Variants in IL34 observed in about 807,000 individuals in gnomAD.
The protein encoded by IL34 is interleukin 34.
In IL34, 17 loss-of-function variants were observed where a neutral mutation model predicts 25.3. The ratio of observed to expected loss-of-function variants is 0.67; its 90% CI spans 0.46 to 1.01. The LOEUF (loss-of-function observed/expected upper bound fraction) is 1.01, where lower values mean the gene tolerates loss of function less well. Ranked by LOEUF, IL34 falls within the 50% of genes least tolerant of loss-of-function variation. IL34 has a pLI of 0.00. For missense variants in IL34, 368 were observed against 312.9 expected, an observed-to-expected ratio of 1.18 and a Z score of -1.33; for synonymous variants, 174 against 140.9, an observed-to-expected ratio of 1.23 and a Z score of -1.66.
intron 1 of IL34, among the ~76,000 whole-genome samples, chr16:70,621,412 G>T (rs918918198): frequency 1.3e-5 from 2 of 152,112 alleles, no homozygotes; most frequent in African/African-American, 4.8e-5. Context: ...AAAGAAGAAA[G>T]TGGTTGAGGG....
At chr16:70,584,562 T>A (rs1275534999) in intron 1 of IL34, among the ~76,000 whole-genome samples, 2 of 152,156 alleles carry the variant, frequency 1.3e-5, no homozygotes, top group African/African-American at 4.8e-5. Context: ...CATGAGAAAG[T>A]CCACACTCTG....
At chr16:70,600,929 A>AAATG (rs2050905610) in intron 1 of IL34, among the ~76,000 whole-genome samples, 1 of 150,708 alleles carries the variant, frequency 6.6e-6, no homozygotes, top group African/African-American at 2.5e-5. Context: ...ATGCTGGCAG[A>AAATG]AGCAGGGCTG....
At chr16:70,658,335 ATTTC>A (rs938664218) in intron 4 of IL34, among the ~76,000 whole-genome samples, 14 of 151,910 alleles carry the variant, frequency 9.2e-5, no homozygotes, top group Non-Finnish European at 1.5e-4. Context: ...ATTTCATTTT[ATTTC>A]TTTTTTATTG....
In IL34 at chr16:70,660,660, A is replaced by G. The variant is rs1198926847; in HGVS notation, c.*473A>G. 1 of 158,750 alleles carries G rather than the reference A, an allele frequency of 6.3e-6. No homozygotes were observed. Among genetic ancestry groups the G allele is most frequent in the Non-Finnish European group, 1.4e-5 (1 of 72,308 alleles). 9.8% of individuals were successfully genotyped at this position (158,750 alleles called of 1,614,324 possible). Reference sequence around the variant, plus strand: ...GATGCTCTTCCAGTTTCTTTTTTCTATTAAACACCCCACTTCCTTTGGTTT... The same window carrying G: ...GATGCTCTTCCAGTTTCTTTTTTCTGTTAAACACCCCACTTCCTTTGGTTT... On this transcript the variant is annotated 3_prime_UTR_variant, in exon 6 of 6. Transcript: ENST00000288098.
At chr16:70,632,696 T>G (rs2051547087) in intron 1 of IL34, among the ~76,000 whole-genome samples, 1 of 152,114 alleles carries the variant, frequency 6.6e-6, no homozygotes, top group South Asian at 2.1e-4. Context: ...ATTTTTGCTG[T>G]GGGCAGAAGG....
intron 1 of IL34, among the ~76,000 whole-genome samples, chr16:70,631,684 A>G (rs2051521390): frequency 6.6e-6 from 1 of 152,154 alleles, no homozygotes; most frequent in Admixed American, 6.5e-5. Flanking sequence ...GTAACAAAGA[A>G]AAACCTTTAG....
At chr16:70,632,947 TC>T (rs762997504) in intron 1 of IL34, among the ~76,000 whole-genome samples, 2 of 151,856 alleles carry the variant, frequency 1.3e-5, no homozygotes, top group Non-Finnish European at 1.5e-5. Flanking sequence ...AAAATAAAAT[TC>T]TTACTTAAAA....
intron 1 of IL34, among the ~76,000 whole-genome samples, chr16:70,632,373 C>T (rs974847368): frequency 6.6e-6 from 1 of 152,168 alleles, no homozygotes; most frequent in Non-Finnish European, 1.5e-5. Context: ...AGGCTTCTAC[C>T]ATGAAGCAAA....
At chr16:70,618,451 G>A (rs12924171) in intron 1 of IL34, among the ~76,000 whole-genome samples, 70,324 of 151,696 alleles carry the variant, frequency 0.46, 16,960 homozygotes, top group South Asian at 0.63. Context: ...GAAATTATAT[G>A]CGTCAGGTAT....
chr16:70,635,720 G>C (rs1442662578), intron 1 of IL34, among the ~76,000 whole-genome samples: 2 of 152,186 alleles, frequency 1.3e-5, no homozygotes, highest in African/African-American at 4.8e-5. Flanking sequence ...ACAGCAAAAG[G>C]GGAAATGATT....
At chr16:70,587,246 A>G (rs1345334303) in intron 1 of IL34, among the ~76,000 whole-genome samples, 1 of 151,120 alleles carries the variant, frequency 6.6e-6, no homozygotes, top group Non-Finnish European at 1.5e-5. Context: ...TGCTGAGAGC[A>G]CCACACAGCC....
chr16:70,628,987 G>C (rs140820294), intron 1 of IL34, among the ~76,000 whole-genome samples: 1 of 152,046 alleles, frequency 6.6e-6, no homozygotes, highest in Non-Finnish European at 1.5e-5. Context: ...ACAGGGTCTT[G>C]GTATGTTGCC....
chr16:70,587,278 T>C (rs1259656461), intron 1 of IL34, among the ~76,000 whole-genome samples: 1 of 147,474 alleles, frequency 6.8e-6, no homozygotes, highest in South Asian at 2.1e-4. Context: ...TGAGTTTTGC[T>C]TTTTTTTTTG....
At chr16:70,603,661 G>A (rs1468051597) in intron 1 of IL34, among the ~76,000 whole-genome samples, 1 of 152,084 alleles carries the variant, frequency 6.6e-6, no homozygotes, top group African/African-American at 2.4e-5. Flanking sequence ...TAGCCTCAAT[G>A]TCCTGGGCTC....
chr16:70,598,183 C>T (rs943599682), intron 1 of IL34, among the ~76,000 whole-genome samples: 1 of 152,006 alleles, frequency 6.6e-6, no homozygotes, highest in African/African-American at 2.4e-5. Flanking sequence ...GATGCTTCTC[C>T]ATCTTGGCAT....
Position 70,619,026 on chromosome 16 carries a change from C to T in IL34, c.-400-27522C>T, listed in dbSNP as rs367960128. 7.0e-4 allele frequency among the ~76,000 whole-genome samples: 107 copies of T among 151,936 alleles called. 1 individual carries two copies. In the East Asian group the frequency reaches 0.01, roughly 14 times the overall value. Reference sequence around the variant, plus strand: ...AGGAGAGTATATGGGTTTGGCACCACGGGGTGGATAGGCAAAACAATTTGG... The same window carrying T: ...AGGAGAGTATATGGGTTTGGCACCATGGGGTGGATAGGCAAAACAATTTGG... On this transcript the variant is annotated intron_variant, in intron 1 of 6. Transcript: ENST00000429149.
At chr16:70,614,499 C>T (rs1276825874) in intron 1 of IL34, among the ~76,000 whole-genome samples, 1 of 152,212 alleles carries the variant, frequency 6.6e-6, no homozygotes, top group African/African-American at 2.4e-5. Context: ...AGCATGGAAG[C>T]TCAGATTCAA....
intron 1 of IL34, among the ~76,000 whole-genome samples, chr16:70,641,347 G>A (rs2051777706): frequency 6.6e-6 from 1 of 152,048 alleles, no homozygotes; most frequent in Non-Finnish European, 1.5e-5. Flanking sequence ...TATTCATAAT[G>A]GCCAAAAGGT....
Position 70,656,961 on chromosome 16 carries a change from A to G in IL34, c.242A>G (p.Gln81Arg), listed in dbSNP as rs2052242638. 1 of 1,605,152 alleles carries G rather than the reference A, an allele frequency of 6.2e-7. No homozygotes were observed. The highest frequency in any genetic ancestry group is 1.7e-5 in the Admixed American group (1 of 59,524). ...VFRIANVTRLQRAQVSERELR... is the reference protein window; with the variant it reads ...VFRIANVTRLRRAQVSERELR... ...GCAGTGACTTCCCTGTTTCCGCAGC[A>G]GAGGGCCCAGGTGAGCGAGCGGGAG... The change falls in exon 4 of 6, where the codon CAG becomes CGG. Residue 81 changes from glutamine (Q) to arginine (R), a missense_variant and splice_region_variant. By Grantham distance (43) the Gln-to-Arg change is conservative. Coordinates refer to ENST00000288098, the MANE Select transcript of IL34 (RefSeq NM_001393494.1).
Sources: allele counts gnomAD v4.1 joint callset (sites outside exome capture counted in the v4.1 genomes callset), GRCh38; gene constraint gnomAD v4.1.1; transcripts MANE v1.5; gene names NCBI Gene and HGNC (gene_info 2026-07-23, HGNC 2026-07-21).